The following NCOA6 variants were observed in gnomAD, a reference collection of about 807,000 sequenced individuals.
NCOA6 encodes NRC RAP250.
Under a neutral mutation model 171.4 loss-of-function variants are expected in NCOA6, and 49 were observed. That is an observed-to-expected ratio of 0.29 (90% CI 0.23 to 0.36). The LOEUF is 0.36. Among genes scored for constraint, NCOA6 ranks in the 10% least tolerant of loss-of-function variants. The pLI, the probability that NCOA6 is intolerant of heterozygous loss-of-function variation, is 1.00. For missense variants in NCOA6, 2,248 were observed against 2,554.5 expected, an observed-to-expected ratio of 0.88 and a Z score of 2.59; for synonymous variants, 910 against 927.5, an observed-to-expected ratio of 0.98 and a Z score of 0.34.
chr20:34,736,317 GC>G (rs2075957117), intron 12 of NCOA6, among the ~76,000 whole-genome samples: 1 of 152,194 alleles, frequency 6.6e-6, no homozygotes, highest in South Asian at 2.1e-4. Flanking sequence ...GTGCGTTAAT[GC>G]TTGCCAGCCC....
rs1290417956 is a variant in NCOA6 at position 34,741,387 on chromosome 20, T to C, written c.4869A>G (p.Ala1623=). ...SAALPTHLQS[A]LMSTVVTMPN... ...GCATTGTGACAACTGTTGACATCAA[T>C]GCAGACTGCAAGTGAGTTGGCAAAG... The change falls in exon 11 of 15, where the codon GCA becomes GCG. Residue 1623 remains alanine (A), a synonymous_variant. Coordinates refer to ENST00000359003, the MANE Select transcript of NCOA6 (RefSeq NM_014071.5). 2 of 1,614,270 alleles carry C rather than the reference T, an allele frequency of 1.2e-6. No individual in the cohort carries two copies. Among genetic ancestry groups the C allele is most frequent in the South Asian group, 2.2e-5 (2 of 91,090 alleles).
chr20:34,735,321 A>G (rs2075916404), intron 12 of NCOA6, among the ~76,000 whole-genome samples: 1 of 152,124 alleles, frequency 6.6e-6, no homozygotes, highest in South Asian at 2.1e-4. Flanking sequence ...AATGTCAGGT[A>G]TCATGTGGGC....
chr20:34,781,659 T>C (rs1483873401), intron 3 of NCOA6, among the ~76,000 whole-genome samples: 1 of 152,132 alleles, frequency 6.6e-6, no homozygotes, highest in South Asian at 2.1e-4. Context: ...AAATAACAAA[T>C]GCCTGCAGAC....
intron 3 of NCOA6, among the ~76,000 whole-genome samples, chr20:34,779,336 C>A (rs1303307959): frequency 6.6e-6 from 1 of 151,836 alleles, no homozygotes; most frequent in Non-Finnish European, 1.5e-5. Context: ...CATAGTGAGA[C>A]CTCATCTCTA....
At chr20:34,797,153 G>C (rs984149329) in intron 1 of NCOA6, among the ~76,000 whole-genome samples, 3 of 152,132 alleles carry the variant, frequency 2.0e-5, no homozygotes, top group African/African-American at 7.2e-5. Flanking sequence ...GCATGGCCAA[G>C]GAGTAATTGT....
At chr20:34,770,044 CTTTT>C (rs542167234) in intron 4 of NCOA6, among the ~76,000 whole-genome samples, 1 of 142,752 alleles carries the variant, frequency 7.0e-6, no homozygotes, top group Non-Finnish European at 1.5e-5. Context: ...GTCAGCCTTC[CTTTT>C]TTTTTTTTTT....
At chr20:34,775,305 G>A (rs1247150522) in intron 4 of NCOA6, among the ~76,000 whole-genome samples, 2 of 148,328 alleles carry the variant, frequency 1.3e-5, no homozygotes, top group African/African-American at 4.9e-5. Flanking sequence ...TAGGGGTGTA[G>A]GTGTGTGTGT....
At chr20:34,716,215 CAAAAAA>C (rs34030662) in intron 14 of NCOA6, among the ~76,000 whole-genome samples, 2 of 73,782 alleles carry the variant, frequency 2.7e-5, no homozygotes, top group Non-Finnish European at 2.6e-5. Context: ...GACTCCGTCT[CAAAAAA>C]AAAAAAAAAA....
chr20:34,747,030 A>G, intron 9 of NCOA6, 102 bp from the exon 10 acceptor site: 1 of 1,160,472 alleles, frequency 8.6e-7, no homozygotes, highest in Non-Finnish European at 1.1e-6. Flanking sequence ...AAGAACTAAA[A>G]TGTTTGCATT....
At chr20:34,759,192 C>T (rs1450658030) in intron 5 of NCOA6, among the ~76,000 whole-genome samples, 2 of 151,962 alleles carry the variant, frequency 1.3e-5, no homozygotes, top group Non-Finnish European at 2.9e-5. Flanking sequence ...CAGGCACACA[C>T]CACTGTGCCC....
At chr20:34,751,672 A>G (rs1462138108) in intron 8 of NCOA6, among the ~76,000 whole-genome samples, 2 of 151,796 alleles carry the variant, frequency 1.3e-5, no homozygotes, top group African/African-American at 2.4e-5. Flanking sequence ...AACCTCAGTG[A>G]CCCTCTCCTG....
Position 34,741,716 on chromosome 20 carries a change from C to G in NCOA6, c.4540G>C (p.Glu1514Gln), listed in dbSNP as rs757608370. 1 of 1,614,038 alleles carries G rather than the reference C, an allele frequency of 6.2e-7. No homozygotes were observed. The highest frequency in any genetic ancestry group is 1.3e-5 in the African/African-American group (1 of 74,904). The change falls in exon 11 of 15, where the codon GAA (glutamate) becomes CAA (glutamine). Residue 1514 changes from glutamate (E) to glutamine (Q), a missense_variant. Physicochemically the swap from Glu to Gln is conservative, Grantham distance 29. Transcript: ENST00000359003. Reference protein sequence around the residue: ...TIKPPGLTDLEVTPPVVSGED... With the variant: ...TIKPPGLTDLQVTPPVVSGED... ...CCAGAAACTACTGGAGGTGTTACTT[C>G]CAGATCTGTAAGCCCAGGGGGTTTA... is the stretch of plus-strand genomic sequence containing the variant.
At chr20:34,798,800 C>T (rs1321648717) in intron 1 of NCOA6, among the ~76,000 whole-genome samples, 1 of 152,192 alleles carries the variant, frequency 6.6e-6, no homozygotes, top group Non-Finnish European at 1.5e-5. Context: ...GATACAAATG[C>T]AGTGACAAGA....
At chr20:34,734,408 G>A (rs1399815139) in intron 12 of NCOA6, among the ~76,000 whole-genome samples, 1 of 152,050 alleles carries the variant, frequency 6.6e-6, no homozygotes, top group African/African-American at 2.4e-5. Context: ...CTCCCAGGCT[G>A]GAGTGCAATG....
At chr20:34,764,772 G>C (rs937499975) in intron 5 of NCOA6, among the ~76,000 whole-genome samples, 1 of 152,040 alleles carries the variant, frequency 6.6e-6, no homozygotes, top group African/African-American at 2.4e-5. Context: ...ATCTGTTTCT[G>C]AGGAATCGCA....
intron 8 of NCOA6, 73 bp from the exon 9 acceptor site, chr20:34,750,592 C>T (rs970813032): frequency 5.0e-5 from 71 of 1,418,294 alleles, no homozygotes; most frequent in South Asian, 1.8e-4. Flanking sequence ...ACTCAAGTTA[C>T]ATTACTCAGA....
At chr20:34,780,487 G>A (rs941175841) in intron 3 of NCOA6, among the ~76,000 whole-genome samples, 3 of 151,790 alleles carry the variant, frequency 2.0e-5, no homozygotes, top group African/African-American at 7.3e-5. Context: ...GAGTAGCTGG[G>A]ATTACAGGCA....
At chr20:34,719,710 A>G (rs973174570) in intron 14 of NCOA6, among the ~76,000 whole-genome samples, 3 of 152,002 alleles carry the variant, frequency 2.0e-5, no homozygotes, top group Non-Finnish European at 4.4e-5. Flanking sequence ...TAAAAGTGGT[A>G]ACATTTTGGA....
chr20:34,810,710 C>T, intron 1 of NCOA6, among the ~76,000 whole-genome samples: 1 of 152,150 alleles, frequency 6.6e-6, no homozygotes, highest in East Asian at 1.9e-4. Flanking sequence ...CGCCCGCCAC[C>T]ATGCCCAGCT....
Sources: allele counts gnomAD v4.1 joint callset (sites outside exome capture counted in the v4.1 genomes callset), GRCh38; gene constraint gnomAD v4.1.1; transcripts MANE v1.5; gene names NCBI Gene and HGNC (gene_info 2026-07-23, HGNC 2026-07-21).